Variants in DNASE1 observed in about 807,000 individuals in gnomAD.
DNASE1 encodes the protein deoxyribonuclease-1.
In DNASE1, 40 loss-of-function variants were observed where a neutral mutation model predicts 33.9. The observed-to-expected ratio is 1.18, with a 90% CI of 0.92 to 1.54. DNASE1 has a LOEUF of 1.54. DNASE1 is among the 40% of genes most tolerant of loss of function. The pLI is 0.00. For missense variants in DNASE1, 518 were observed against 372.6 expected, an observed-to-expected ratio of 1.39 and a Z score of -3.21; for synonymous variants, 216 against 160.0, an observed-to-expected ratio of 1.35 and a Z score of -2.64.
At chr16:3,654,474 T>G (rs1241425089), upstream of DNASE1, 7 of 398,540 alleles carry the variant, frequency 1.8e-5, no homozygotes, top group Non-Finnish European at 2.7e-5. Context: ...TTTGCAACTT[T>G]GGATGTGGCT....
chr16:3,612,901 C>G (rs1270821871), intron 1 of DNASE1, among the ~76,000 whole-genome samples: 1 of 150,712 alleles, frequency 6.6e-6, no homozygotes, highest in Non-Finnish European at 1.5e-5. Flanking sequence ...GCCTTAACAT[C>G]TGAGAGTAGT....
At chr16:3,662,413 C>G, downstream of DNASE1, 3 of 566,436 alleles carry the variant, frequency 5.3e-6, no homozygotes, top group Non-Finnish European at 9.5e-6. Context: ...CCATGCCAGC[C>G]CACCCTGCAT....
intron 1 of DNASE1, among the ~76,000 whole-genome samples, chr16:3,645,447 C>T (rs1396079196): frequency 1.3e-5 from 2 of 152,236 alleles, no homozygotes; most frequent in Admixed American, 6.5e-5. Context: ...TTCTCATTGT[C>T]CTCAGGGACT....
exon 10 of DNASE1, chr16:3,664,212 G>C: frequency 6.9e-7 from 1 of 1,456,768 alleles, no homozygotes; most frequent in Non-Finnish European, 9.1e-7. Flanking sequence ...ACAGAGCTGA[G>C]AAGGTCAAGA....
At chr16:3,645,466 G>A (rs995452671) in intron 1 of DNASE1, among the ~76,000 whole-genome samples, 7 of 152,224 alleles carry the variant, frequency 4.6e-5, no homozygotes, top group Non-Finnish European at 5.9e-5. Context: ...CTCAGGCTGC[G>A]GGTGTGCTAA....
chr16:3,657,691 A>ACCTACTTT, intron 7 of DNASE1, 29 bp from the exon 8 acceptor site: 1 of 1,613,204 alleles, frequency 6.2e-7, no homozygotes, highest in South Asian at 1.1e-5. Context: ...TGAAAGGGGA[A>ACCTACTTT]CCTACTTTCT....
downstream of DNASE1, chr16:3,661,455 C>G (rs773419172): frequency 6.6e-6 from 1 of 152,320 alleles, no homozygotes; most frequent in Non-Finnish European, 1.5e-5. Context: ...GCCCCAGACA[C>G]GTGGACAAGA....
chr16:3,631,373 T>C (rs757280837), intron 1 of DNASE1, among the ~76,000 whole-genome samples: 4 of 151,798 alleles, frequency 2.6e-5, no homozygotes, highest in Non-Finnish European at 4.4e-5. Context: ...CCCAGCTAAT[T>C]TTTGTATTTT....
intron 1 of DNASE1, among the ~76,000 whole-genome samples, chr16:3,625,313 A>C (rs1295907312): frequency 6.6e-6 from 1 of 152,152 alleles, no homozygotes; most frequent in East Asian, 1.9e-4. Flanking sequence ...CTCCAAAACA[A>C]AAAACAATAA....
chr16:3,651,470 C>T (rs1172561260), upstream of DNASE1: 1 of 152,230 alleles, frequency 6.6e-6, no homozygotes, highest in Non-Finnish European at 1.5e-5. Context: ...GCTGGGCTTC[C>T]TTCTTGGGCA....
intron 1 of DNASE1, among the ~76,000 whole-genome samples, chr16:3,619,570 C>G (rs892675554): frequency 6.8e-6 from 1 of 147,494 alleles, no homozygotes; most frequent in African/African-American, 2.5e-5. Flanking sequence ...ACCGTGTTAG[C>G]CAGGATGGTC....
chr16:3,663,421 G>C, exon 10 of DNASE1: 1 of 1,614,024 alleles, frequency 6.2e-7, no homozygotes, highest in Non-Finnish European at 8.5e-7. Flanking sequence ...AGGGGATGCC[G>C]ACCTGGGGAC....
intron 1 of DNASE1, among the ~76,000 whole-genome samples, chr16:3,625,961 G>C (rs530600022): frequency 2.0e-5 from 3 of 152,148 alleles, no homozygotes; most frequent in Non-Finnish European, 4.4e-5. Flanking sequence ...TTAGCCGGGT[G>C]TCAGGGCATG....
At chr16:3,619,711 A>G (rs774792016) in intron 1 of DNASE1, among the ~76,000 whole-genome samples, 11 of 150,958 alleles carry the variant, frequency 7.3e-5, no homozygotes, top group East Asian at 3.9e-4. Context: ...AGGTCTTGCT[A>G]TGTTGCCCAG....
At chr16:3,623,170 G>A (rs1173865403) in intron 1 of DNASE1, among the ~76,000 whole-genome samples, 1 of 152,140 alleles carries the variant, frequency 6.6e-6, no homozygotes, top group African/African-American at 2.4e-5. Flanking sequence ...ACAGAATAGA[G>A]AACCCAGAAG....
exon 10 of DNASE1, chr16:3,664,623 T>G: frequency 1.4e-6 from 1 of 710,120 alleles, no homozygotes; most frequent in Non-Finnish European, 2.2e-6. Context: ...GAGCAGGCCT[T>G]GCTCTGCCCA....
At chr16:3,619,816 T>TATTTTTAA (rs1421597814) in intron 1 of DNASE1, among the ~76,000 whole-genome samples, 1 of 151,890 alleles carries the variant, frequency 6.6e-6, no homozygotes, top group Non-Finnish European at 1.5e-5. Context: ...TGGCCCTCAG[T>TATTTTTAA]ATTTTTAAAA....
chr16:3,658,410 A>G (rs2042850136), downstream of DNASE1: 2 of 613,504 alleles, frequency 3.3e-6, no homozygotes, highest in Non-Finnish European at 5.7e-6. Context: ...GTGAGCCACC[A>G]CGCCTGGCCA....
chr16:3,614,129 G>C (rs1022421584), intron 1 of DNASE1, among the ~76,000 whole-genome samples: 31 of 152,000 alleles, frequency 2.0e-4, no homozygotes, highest in African/African-American at 7.2e-4. Flanking sequence ...AGCCAGGATG[G>C]TCTCGATTTC....
Sources: allele counts gnomAD v4.1 joint callset (sites outside exome capture counted in the v4.1 genomes callset), GRCh38; gene constraint gnomAD v4.1.1; transcripts MANE v1.5; gene names NCBI Gene and HGNC (gene_info 2026-07-23, HGNC 2026-07-21).